SEPTIN4: variants seen among roughly 807,000 people sequenced by gnomAD.
SEPTIN4 encodes the protein septin-4.
SEPTIN4 carries 52 observed loss-of-function variants against 107.1 expected under a neutral mutation model. The observed-to-expected ratio is 0.49, with a 90% CI of 0.39 to 0.61. The LOEUF is 0.61. Among genes scored for constraint, SEPTIN4 ranks in the 20% least tolerant of loss-of-function variants. The pLI is 0.00. For missense variants in SEPTIN4, 1,048 were observed against 1,243.5 expected (o/e 0.84, Z 2.36); for synonymous variants, 417 against 467.0 (o/e 0.89, Z 1.38).
chr17:58,520,651 C>T, intron 13 of SEPTIN4, 92 bp downstream of exon 13: 9 of 1,566,694 alleles, frequency 5.7e-6, no homozygotes, highest in Middle Eastern at 1.7e-4. Flanking sequence ...CAAATATGCA[C>T]CAGAGCCAGG....
At chr17:58,526,448 C>A in intron 4 of SEPTIN4, 135 bp from the exon 5 acceptor site, 3 of 1,389,064 alleles carry the variant, frequency 2.2e-6, no homozygotes, top group Non-Finnish European at 2.8e-6. Flanking sequence ...GAGTTCCCAT[C>A]TGAGGCCACC....
At chr17:58,527,273 G>A in intron 3 of SEPTIN4, 1 of 591,952 alleles carries the variant, frequency 1.7e-6, no homozygotes, top group Non-Finnish European at 3.1e-6. Context: ...TCCAGTTCTG[G>A]TCTCCTTCTC....
chr17:58,526,652 G>C, intron 4 of SEPTIN4, 30 bp downstream of exon 4: 2 of 1,534,554 alleles, frequency 1.3e-6, no homozygotes, highest in South Asian at 2.6e-5. Context: ...GCAGCCCACT[G>C]AAAGGCAAAG....
At chr17:58,527,401 A>C in intron 3 of SEPTIN4, 1 of 357,442 alleles carries the variant, frequency 2.8e-6, no homozygotes, top group Non-Finnish European at 5.5e-6. Flanking sequence ...TTAAACCCAA[A>C]AGGAGAGTAC....
At position 58,520,256 on chromosome 17, in the gene SEPTIN4, G is replaced by A; in HGVS notation, c.*170C>T. On this transcript the variant is annotated 3_prime_UTR_variant, in exon 14 of 14. Transcript: ENST00000672673. ...AAAAATACACACAGGGACACCAGAA[G>A]CCACCTACAGATTTATTAAACTTTA... is the stretch of plus-strand genomic sequence containing the variant. The A allele has an allele frequency of 4.8e-6, 3 of 620,048 alleles. No homozygotes were observed. The allele number at this position is 620,048 out of a possible 1,614,324, so 38.4% of individuals were successfully genotyped here.
At chr17:58,535,494 T>C (rs2043679276) in intron 3 of SEPTIN4, among the ~76,000 whole-genome samples, 1 of 152,216 alleles carries the variant, frequency 6.6e-6, no homozygotes, top group South Asian at 2.1e-4. Flanking sequence ...ATACCTCCGA[T>C]GGCCAAAAAT....
intron 3 of SEPTIN4, among the ~76,000 whole-genome samples, chr17:58,535,438 C>T (rs1246740326): frequency 6.6e-6 from 1 of 152,192 alleles, no homozygotes; most frequent in Non-Finnish European, 1.5e-5. Context: ...GACTACTCAC[C>T]AGATGTCTGA....
intron 3 of SEPTIN4, among the ~76,000 whole-genome samples, chr17:58,539,582 T>C (rs1440806192): frequency 6.6e-6 from 1 of 152,192 alleles, no homozygotes; most frequent in African/African-American, 2.4e-5. Context: ...CTATTTCATA[T>C]TGTTGTTTAA....
chr17:58,536,495 G>T (rs185777031), intron 3 of SEPTIN4, among the ~76,000 whole-genome samples: 62 of 152,308 alleles, frequency 4.1e-4, no homozygotes, highest in African/African-American at 1.4e-3. Flanking sequence ...TGTGGAGTCA[G>T]CTTCTCCAGC....
chr17:58,527,843 G>A (rs186542924), intron 3 of SEPTIN4: 16 of 985,580 alleles, frequency 1.6e-5, no homozygotes, highest in African/African-American at 8.7e-5. Context: ...GCCCAGAGCC[G>A]GCAGTGCACG....
At position 58,544,210 on chromosome 17, in the gene SEPTIN4, T is replaced by C. The variant is rs1175876047; in HGVS notation, c.-24A>G. 9 of 1,579,964 alleles carry C rather than the reference T, an allele frequency of 5.7e-6. No individual in the cohort carries two copies. The highest frequency in any genetic ancestry group is 7.7e-6 in the Non-Finnish European group (9 of 1,162,388). ...ATCTGATAGATTGTGCCCTTCTGAG[T>C]AGATCCCGTATTTTACTGGCTGGCT... On this transcript the variant is annotated 5_prime_UTR_variant, in exon 1 of 14. Coordinates refer to ENST00000672673, the MANE Select transcript of SEPTIN4 (RefSeq NM_001368771.2).
At chr17:58,525,612 G>C in intron 6 of SEPTIN4, 83 bp downstream of exon 6, 2 of 1,263,450 alleles carry the variant, frequency 1.6e-6, no homozygotes, top group South Asian at 2.4e-5. Flanking sequence ...TCCTGCATGT[G>C]GGGGAGAGCC....
At chr17:58,532,699 C>G (rs1198162512) in intron 3 of SEPTIN4, among the ~76,000 whole-genome samples, 3 of 152,202 alleles carry the variant, frequency 2.0e-5, no homozygotes, top group Admixed American at 1.3e-4. Flanking sequence ...GCGGTGTAGC[C>G]TTGCCTGTGG....
intron 3 of SEPTIN4, among the ~76,000 whole-genome samples, chr17:58,536,692 C>T (rs376695747): frequency 3.3e-5 from 5 of 152,322 alleles, no homozygotes; most frequent in East Asian, 3.9e-4. Context: ...CCCCCTCCTC[C>T]AGGCTTCATT....
chr17:58,532,106 G>C (rs2043526567), intron 3 of SEPTIN4: 1 of 1,063,746 alleles, frequency 9.4e-7, no homozygotes, highest in South Asian at 4.5e-5. Context: ...GGCGGCGGGG[G>C]CGGAGCGAGT....
chr17:58,542,386 G>A (rs2043904504), intron 1 of SEPTIN4, among the ~76,000 whole-genome samples: 1 of 152,162 alleles, frequency 6.6e-6, no homozygotes, highest in Admixed American at 6.6e-5. Flanking sequence ...AAGCAGTGTT[G>A]CCTGGAGGAG....
chr17:58,527,333 G>A, intron 3 of SEPTIN4: 1 of 436,506 alleles, frequency 2.3e-6, no homozygotes, highest in Non-Finnish European at 4.3e-6. Flanking sequence ...GCCTAGCCAG[G>A]GACTGTCTCA....
chr17:58,527,918 T>C, intron 3 of SEPTIN4: 1 of 985,788 alleles, frequency 1.0e-6, no homozygotes, highest in Middle Eastern at 5.2e-4. Context: ...GACTCCTCTG[T>C]AGAAGCCTGT....
intron 3 of SEPTIN4, chr17:58,539,156 C>T (rs779605893): frequency 3.1e-5 from 47 of 1,534,720 alleles, no homozygotes; most frequent in Non-Finnish European, 3.8e-5. Flanking sequence ...GCTTGGGAGC[C>T]TTCTTTTCTT....
Sources: allele counts gnomAD v4.1 joint callset (sites outside exome capture counted in the v4.1 genomes callset), GRCh38; gene constraint gnomAD v4.1.1; transcripts MANE v1.5; gene names NCBI Gene and HGNC (gene_info 2026-07-23, HGNC 2026-07-21).